EVI5: variants seen among roughly 807,000 people sequenced by gnomAD.
The protein encoded by EVI5 is ecotropic viral integration site 5 protein homolog.
In EVI5, 73 loss-of-function variants were observed where a neutral mutation model predicts 112.0. The observed-to-expected ratio is 0.65, with a 90% CI of 0.54 to 0.79. The LOEUF is 0.79. Among genes scored for constraint, EVI5 ranks in the 30% least tolerant of loss-of-function variants. The probability of loss-of-function intolerance (pLI) is 0.00; values close to 1 mark genes in which losing one functional copy is unlikely to be tolerated. For missense variants in EVI5, 900 were observed against 968.8 expected (o/e 0.93, Z 0.94); for synonymous variants, 305 against 319.9 (o/e 0.95, Z 0.50).
intron 18 of EVI5, among the ~76,000 whole-genome samples, chr1:92,584,160 G>T (rs1047161449): frequency 6.6e-6 from 1 of 151,820 alleles, no homozygotes; most frequent in Non-Finnish European, 1.5e-5. Flanking sequence ...GAGACACGGT[G>T]GTACATAAAG....
intron 9 of EVI5, among the ~76,000 whole-genome samples, chr1:92,687,556 A>G (rs910518511): frequency 1.3e-5 from 2 of 152,230 alleles, no homozygotes; most frequent in African/African-American, 4.8e-5. Context: ...TAATTAAACT[A>G]AAGAGCTTCT....
chr1:92,669,870 G>A (rs1426716306), intron 10 of EVI5, among the ~76,000 whole-genome samples: 1 of 151,918 alleles, frequency 6.6e-6, no homozygotes, highest in Non-Finnish European at 1.5e-5. Context: ...ACTTTAAAGT[G>A]AAAACCACAG....
intron 9 of EVI5, among the ~76,000 whole-genome samples, chr1:92,684,233 T>G (rs1017158445): frequency 1.3e-5 from 2 of 151,882 alleles, no homozygotes; most frequent in Non-Finnish European, 2.9e-5. Context: ...CCAGAAGAGA[T>G]TGGGGGCCAA....
rs185603937 is a variant in EVI5 at position 92,526,041 on chromosome 1, T to C, written c.2167-12071A>G. On this transcript the variant is annotated intron_variant, in intron 19 of 19. Transcript: ENST00000684568. ...AGTAGGGTTCTGGCTTCTAGAACAATGGAATCTGTACCTATTATTGTTTTT... is the reference window on the plus strand; with the variant it reads ...AGTAGGGTTCTGGCTTCTAGAACAACGGAATCTGTACCTATTATTGTTTTT... Among the ~76,000 whole-genome samples, 190 of 144,146 alleles carry C rather than the reference T, an allele frequency of 1.3e-3. 2 individuals are homozygous for C. The highest frequency in any genetic ancestry group is 4.8e-3 in the African/African-American group (182 of 38,234). 94.6% of individuals were successfully genotyped at this position (144,146 alleles called of 152,430 possible).
intron 14 of EVI5, among the ~76,000 whole-genome samples, chr1:92,635,062 C>T (rs982538459): frequency 2.6e-5 from 4 of 152,174 alleles, no homozygotes; most frequent in Non-Finnish European, 5.9e-5. Flanking sequence ...GAGGGGTACC[C>T]GGCCGTGTGA....
intron 2 of EVI5, among the ~76,000 whole-genome samples, chr1:92,722,340 G>A (rs1476355664): frequency 6.6e-6 from 1 of 151,696 alleles, no homozygotes; most frequent in Non-Finnish European, 1.5e-5. Flanking sequence ...AGACTTTTAA[G>A]TTTTAGGGTA....
chr1:92,645,168 T>C (rs1660705262), intron 13 of EVI5, among the ~76,000 whole-genome samples: 1 of 152,158 alleles, frequency 6.6e-6, no homozygotes, highest in Admixed American at 6.6e-5. Flanking sequence ...ATACATATAT[T>C]AGGTGACATA....
At chr1:92,626,860 G>GT (rs1202623787) in intron 14 of EVI5, among the ~76,000 whole-genome samples, 1 of 152,012 alleles carries the variant, frequency 6.6e-6, no homozygotes, top group Non-Finnish European at 1.5e-5. Flanking sequence ...TGTTTTTGTT[G>GT]TATTTCCTCA....
At chr1:92,592,482 T>G (rs942007422) in intron 18 of EVI5, among the ~76,000 whole-genome samples, 1 of 152,118 alleles carries the variant, frequency 6.6e-6, no homozygotes, top group Non-Finnish European at 1.5e-5. Flanking sequence ...GATCTAAAAT[T>G]GACACCCTAA....
chr1:92,569,189 G>C (rs914038956), intron 18 of EVI5, among the ~76,000 whole-genome samples: 1 of 152,186 alleles, frequency 6.6e-6, no homozygotes, highest in Non-Finnish European at 1.5e-5. Context: ...CTACTTCATA[G>C]ATGAGGAAAC....
chr1:92,769,725 A>T (rs760035034), intron 1 of EVI5, among the ~76,000 whole-genome samples: 11 of 152,118 alleles, frequency 7.2e-5, no homozygotes, highest in Admixed American at 2.0e-4. Context: ...TACTAAAAAA[A>T]ATATATAAAA....
chr1:92,656,843 A>T (rs1663071539), intron 13 of EVI5, among the ~76,000 whole-genome samples: 1 of 152,242 alleles, frequency 6.6e-6, no homozygotes, highest in Non-Finnish European at 1.5e-5. Context: ...AAGAGACAGA[A>T]ATCCTAAAAA....
intron 18 of EVI5, among the ~76,000 whole-genome samples, chr1:92,588,536 T>C (rs963044): frequency 0.93 from 141,207 of 152,310 alleles, 65,564 homozygotes; most frequent in East Asian, 0.97. Flanking sequence ...CAGTCCTCCA[T>C]CCCTAATACC....
At chr1:92,607,472 G>C (rs1257263192) in intron 17 of EVI5, 109 bp downstream of exon 17, 1 of 756,840 alleles carries the variant, frequency 1.3e-6, no homozygotes, top group Non-Finnish European at 1.9e-6. Flanking sequence ...TAGAAAATAG[G>C]ACGAGCTTTT....
chr1:92,664,023 T>C (rs919892284), intron 11 of EVI5, among the ~76,000 whole-genome samples: 2 of 152,214 alleles, frequency 1.3e-5, no homozygotes, highest in African/African-American at 2.4e-5. Context: ...GCGGGGATCA[T>C]AGGCGTGAGC....
chr1:92,514,257 G>A (rs905362603), intron 19 of EVI5, among the ~76,000 whole-genome samples: 4 of 152,030 alleles, frequency 2.6e-5, no homozygotes, highest in African/African-American at 4.8e-5. Flanking sequence ...AGGCTTAAGC[G>A]ATTCTCCCAC....
intron 18 of EVI5, among the ~76,000 whole-genome samples, chr1:92,601,215 A>G (rs1426647379): frequency 6.6e-6 from 1 of 152,238 alleles, no homozygotes; most frequent in Non-Finnish European, 1.5e-5. Flanking sequence ...CACACCTGTT[A>G]GAATGGCCAT....
chr1:92,539,664 T>C (rs1282278499), intron 19 of EVI5, among the ~76,000 whole-genome samples: 3 of 152,046 alleles, frequency 2.0e-5, no homozygotes, highest in Non-Finnish European at 2.9e-5. Flanking sequence ...GTTAGGAAAC[T>C]GTCCAGAAGA....
chr1:92,698,524 A>T (rs1670659251), intron 5 of EVI5, among the ~76,000 whole-genome samples: 1 of 152,220 alleles, frequency 6.6e-6, no homozygotes. Flanking sequence ...CATTTGAGGA[A>T]AGAACAGTTC....
Sources: gnomAD v4.1 joint callset for allele counts (sites outside exome capture counted in the v4.1 genomes callset) on GRCh38, gnomAD v4.1.1 for gene constraint, MANE v1.5 for transcripts, NCBI Gene and HGNC (gene_info 2026-07-23, HGNC 2026-07-21) for gene names.